TADA2A: variants seen among roughly 807,000 people sequenced by gnomAD.
TADA2A encodes the protein transcriptional adaptor 2A.
TADA2A carries 38 observed loss-of-function variants against 67.4 expected under a neutral mutation model. That is an observed-to-expected ratio of 0.56 (90% CI 0.44 to 0.74). The LOEUF is 0.74. Ranked by LOEUF, TADA2A falls within the 30% of genes least tolerant of loss-of-function variation. The probability of loss-of-function intolerance (pLI) is 0.00; values close to 1 mark genes in which losing one functional copy is unlikely to be tolerated. For synonymous variants in TADA2A, 192 were observed against 181.6 expected (o/e 1.06, Z -0.46); for missense variants, 454 against 547.0 (o/e 0.83, Z 1.70).
In TADA2A at chr17:37,462,602, AGCCTGGGCG is replaced by A. The variant is rs1217096084; in HGVS notation, c.712+482_712+490del. Among the ~76,000 whole-genome samples, 1,135 of 152,320 alleles carry A rather than the reference AGCCTGGGCG, an allele frequency of 7.5e-3. 6 individuals are homozygous for A. The highest frequency in any genetic ancestry group is 0.026 in the African/African-American group (1,062 of 41,588). On this transcript the variant is annotated intron_variant, in intron 10 of 15. Transcript: ENST00000615182. ...AGCCGAGATCACGCCAGTGCACTCCAGCCTGGGCGATAGAGCAAGACTTAGTCTCAAAAA... is the reference window on the plus strand; with the variant it reads ...AGCCGAGATCACGCCAGTGCACTCCAATAGAGCAAGACTTAGTCTCAAAAA...
rs9915912 is a variant in TADA2A, at chr17:37,418,814, C to T, written c.26-4695C>T. Among the ~76,000 whole-genome samples, 1,154 of 151,982 alleles carry T rather than the reference C, an allele frequency of 7.6e-3. 18 individuals carry two copies. The highest frequency in any genetic ancestry group is 0.026 in the African/African-American group (1,093 of 41,462). ...ATGTTGGCCAGTCTGGTCTTAAACCCCTAACCTCTAGTGAGCCACCCGGCT... is the reference window on the plus strand; with the variant it reads ...ATGTTGGCCAGTCTGGTCTTAAACCTCTAACCTCTAGTGAGCCACCCGGCT... On this transcript the variant is annotated intron_variant, in intron 2 of 15. Coordinates refer to ENST00000615182, the MANE Select transcript of TADA2A (RefSeq NM_001166105.3).
chr17:37,421,831 T>TTATGAAAAGTTTTAAACTTAA (rs1166328731), intron 2 of TADA2A, among the ~76,000 whole-genome samples: 5 of 145,044 alleles, frequency 3.4e-5, no homozygotes, highest in African/African-American at 1.2e-4. Context: ...CCCAACTTTT[T>TTATGAAAAGTTTTAAACTTAA]ATAGAAAAGT....
intron 4 of TADA2A, among the ~76,000 whole-genome samples, chr17:37,436,867 C>A (rs918609986): frequency 6.6e-6 from 1 of 151,108 alleles, no homozygotes; most frequent in African/African-American, 2.4e-5. Context: ...TAAATGGGAG[C>A]GTACTGAAAT....
At chr17:37,442,267 A>G (rs536349258) in intron 6 of TADA2A, among the ~76,000 whole-genome samples, 25 of 128,166 alleles carry the variant, frequency 2.0e-4, no homozygotes, top group Non-Finnish European at 3.7e-4. Context: ...ATCCTAAGGG[A>G]TAAGGGAGCC....
chr17:37,423,728 TC>T, intron 3 of TADA2A, 113 bp downstream of exon 3: 4 of 757,942 alleles, frequency 5.3e-6, no homozygotes, highest in Non-Finnish European at 8.1e-6. Context: ...TTAAATCTAT[TC>T]CTTCCAATTT....
intron 9 of TADA2A, among the ~76,000 whole-genome samples, chr17:37,460,359 C>T (rs1487441747): frequency 1.3e-5 from 2 of 152,022 alleles, no homozygotes; most frequent in Non-Finnish European, 2.9e-5. Flanking sequence ...AATTATCGTG[C>T]CTCAGCCTCC....
At chr17:37,416,365 C>T (rs960574178) in intron 2 of TADA2A, among the ~76,000 whole-genome samples, 3 of 151,978 alleles carry the variant, frequency 2.0e-5, no homozygotes, top group African/African-American at 7.2e-5. Flanking sequence ...GGTGATCTGC[C>T]TGCCTCGGCC....
intron 10 of TADA2A, among the ~76,000 whole-genome samples, chr17:37,464,975 C>T (rs931253771): frequency 6.6e-5 from 10 of 151,966 alleles, no homozygotes; most frequent in Non-Finnish European, 1.2e-4. Context: ...GGTGAAATTC[C>T]GTCTCTACTA....
rs1265145162 is a variant in TADA2A, at chr17:37,422,084, C to T, written c.26-1425C>T. ...TTTTTGAGACAGAGTAAGACTCTGTCGCCCAGGCTGGAGTGCAGCGGCGCG... is the reference window on the plus strand; with the variant it reads ...TTTTTGAGACAGAGTAAGACTCTGTTGCCCAGGCTGGAGTGCAGCGGCGCG... On this transcript the variant is annotated intron_variant, in intron 2 of 15. Coordinates refer to ENST00000615182, the MANE Select transcript of TADA2A (RefSeq NM_001166105.3). Among the ~76,000 whole-genome samples, 6 of 142,216 alleles carry T rather than the reference C, an allele frequency of 4.2e-5. 1 individual carries two copies. Among genetic ancestry groups the T allele is most frequent in the African/African-American group, 1.0e-4 (4 of 39,288 alleles). 93.3% of individuals were successfully genotyped at this position (142,216 alleles called of 152,430 possible).
chr17:37,427,147 T>C, intron 4 of TADA2A, 138 bp downstream of exon 4: 2 of 611,282 alleles, frequency 3.3e-6, no homozygotes, highest in Non-Finnish European at 5.2e-6. Flanking sequence ...TATCTTTACC[T>C]TTTCTCCCCT....
At chr17:37,432,857 AT>A (rs1194138127) in intron 4 of TADA2A, among the ~76,000 whole-genome samples, 2 of 146,122 alleles carry the variant, frequency 1.4e-5, no homozygotes, top group African/African-American at 5.1e-5. Context: ...GCTTGCCAAC[AT>A]TTGGCATTGT....
intron 1 of TADA2A, among the ~76,000 whole-genome samples, chr17:37,408,986 C>G (rs902490603): frequency 6.6e-6 from 1 of 152,222 alleles, no homozygotes; most frequent in African/African-American, 2.4e-5. Flanking sequence ...GTAGAATTAA[C>G]ATTTATTAGT....
At chr17:37,446,484 C>T (rs2053084815) in intron 8 of TADA2A, among the ~76,000 whole-genome samples, 1 of 151,924 alleles carries the variant, frequency 6.6e-6, no homozygotes. Context: ...AAATTTTTGG[C>T]TGGGCATGGT....
chr17:37,427,715 C>CA (rs34173700), intron 4 of TADA2A, among the ~76,000 whole-genome samples: 36,065 of 151,954 alleles, frequency 0.24, 4,691 homozygotes, highest in East Asian at 0.54. Context: ...CACAGTAACT[C>CA]ACGCCTGTAA....
chr17:37,464,699 G>A (rs1881170315), intron 10 of TADA2A, among the ~76,000 whole-genome samples: 2 of 151,696 alleles, frequency 1.3e-5, no homozygotes, highest in South Asian at 2.1e-4. Context: ...AATTAGTCGA[G>A]CATGGCGGTG....
At position 37,479,359 on chromosome 17, in the gene TADA2A, G is replaced by A. The variant is rs1211228323; in HGVS notation, c.*2377G>A. The A allele has an allele frequency of 6.6e-6, 1 of 152,136 alleles. No individual in the cohort carries two copies. Among genetic ancestry groups the A allele is most frequent in the East Asian group, 1.9e-4 (1 of 5,202 alleles). The allele number at this position is 152,136 out of a possible 1,614,324, so 9.4% of individuals were successfully genotyped here. A position where few individuals can be genotyped will look rare whatever the true frequency, so the allele number is the denominator to read the frequency against. ...AACAGTTGAACTCTGAAAAGCTGAT[G>A]GCAAATCAGATTTCATGAGGAAAAT... On this transcript the variant is annotated 3_prime_UTR_variant, in exon 16 of 16. Coordinates refer to ENST00000615182, the MANE Select transcript of TADA2A (RefSeq NM_001166105.3).
chr17:37,451,929 A>T (rs1183763747), intron 8 of TADA2A, among the ~76,000 whole-genome samples: 1 of 152,094 alleles, frequency 6.6e-6, no homozygotes, highest in African/African-American at 2.4e-5. Flanking sequence ...GGTTGCAGTG[A>T]GCCAAGACTG....
chr17:37,455,683 T>C (rs2053372839), intron 8 of TADA2A, among the ~76,000 whole-genome samples: 1 of 152,160 alleles, frequency 6.6e-6, no homozygotes, highest in South Asian at 2.1e-4. Flanking sequence ...GCCTGGCCGC[T>C]TACGAGGTTT....
chr17:37,470,629 T>C, intron 13 of TADA2A, 97 bp downstream of exon 13: 1 of 1,282,366 alleles, frequency 7.8e-7, no homozygotes, highest in Non-Finnish European at 1.0e-6. Context: ...GTAATAATAA[T>C]TGAGTAGCTG....
Sources: gnomAD v4.1 joint callset for allele counts (sites outside exome capture counted in the v4.1 genomes callset) on GRCh38, gnomAD v4.1.1 for gene constraint, MANE v1.5 for transcripts, NCBI Gene and HGNC (gene_info 2026-07-23, HGNC 2026-07-21) for gene names.